The following CDH13 variants were observed in gnomAD, a reference collection of about 807,000 sequenced individuals.
CDH13 encodes the protein cadherin 13.
In CDH13, 24 loss-of-function variants were observed where a neutral mutation model predicts 63.8. The ratio of observed to expected loss-of-function variants is 0.38; its 90% confidence interval spans 0.27 to 0.53. The LOEUF is 0.53. Ranked by LOEUF, CDH13 falls within the 20% of genes least tolerant of loss-of-function variation. CDH13 has a pLI of 0.85. For missense variants in CDH13, 1,049 were observed against 903.1 expected, an observed-to-expected ratio of 1.16 and a Z score of -2.07; for synonymous variants, 503 against 355.3, an observed-to-expected ratio of 1.42 and a Z score of -4.67.
At chr16:82,778,851 G>T (rs1169849239) in intron 1 of CDH13, among the ~76,000 whole-genome samples, 3 of 152,142 alleles carry the variant, frequency 2.0e-5, no homozygotes, top group Non-Finnish European at 4.4e-5. Flanking sequence ...GATTTAAAAT[G>T]CTTAGATTAG....
At chr16:83,144,561 C>G (rs28675296) in intron 4 of CDH13, among the ~76,000 whole-genome samples, 2,257 of 152,286 alleles carry the variant, frequency 0.015, 64 homozygotes, top group African/African-American at 0.051. Flanking sequence ...AATAGATGCA[C>G]TGTATTTTTT....
intron 10 of CDH13, among the ~76,000 whole-genome samples, chr16:83,683,174 G>C (rs1915545949): frequency 6.6e-6 from 1 of 152,202 alleles, no homozygotes; most frequent in South Asian, 2.1e-4. Context: ...TCACTAAAAA[G>C]CCTGGGTTAT....
intron 7 of CDH13, among the ~76,000 whole-genome samples, chr16:83,497,552 C>T (rs985420543): frequency 3.3e-5 from 5 of 151,480 alleles, no homozygotes; most frequent in African/African-American, 1.2e-4. Flanking sequence ...GGGAGAAATA[C>T]ATAATGCTAG....
At chr16:83,448,249 C>A (rs937278747) in intron 6 of CDH13, among the ~76,000 whole-genome samples, 1 of 151,898 alleles carries the variant, frequency 6.6e-6, no homozygotes, top group Admixed American at 6.6e-5. Context: ...GTAAAGAAAT[C>A]AGTAAGGAGG....
intron 5 of CDH13, among the ~76,000 whole-genome samples, chr16:83,312,522 G>A (rs1207299623): frequency 3.9e-5 from 6 of 152,166 alleles, no homozygotes; most frequent in Non-Finnish European, 8.8e-5. Flanking sequence ...CCTGTTGCCA[G>A]GAGAGAGCTT....
At chr16:82,723,400 A>T (rs556528969) in intron 1 of CDH13, among the ~76,000 whole-genome samples, 1 of 152,256 alleles carries the variant, frequency 6.6e-6, no homozygotes, top group East Asian at 1.9e-4. Flanking sequence ...TGTCTTGGGA[A>T]CATAGCTAGG....
At chr16:83,494,494 A>G (rs1598150606) in intron 7 of CDH13, among the ~76,000 whole-genome samples, 1 of 152,320 alleles carries the variant, frequency 6.6e-6, no homozygotes, top group South Asian at 2.1e-4. Flanking sequence ...CTGATTTCAA[A>G]CCAGCAGAGA....
intron 6 of CDH13, among the ~76,000 whole-genome samples, chr16:83,404,605 A>T (rs2092014506): frequency 6.6e-6 from 1 of 152,214 alleles, no homozygotes; most frequent in South Asian, 2.1e-4. Flanking sequence ...ATGTGTGTGC[A>T]CACACCCCCT....
chr16:82,846,949 G>A (rs1427737254), intron 1 of CDH13, among the ~76,000 whole-genome samples: 1 of 152,140 alleles, frequency 6.6e-6, no homozygotes, highest in Non-Finnish European at 1.5e-5. Flanking sequence ...TTTATGCCAA[G>A]GAGAGGAGCA....
In CDH13 at chr16:83,741,106, C is replaced by A. The variant is rs1462955768; in HGVS notation, c.1539-7002C>A. On this transcript the variant is annotated intron_variant, in intron 10 of 13. Coordinates refer to ENST00000567109, the MANE Select transcript of CDH13 (RefSeq NM_001257.5). ...TACCCTGGACTGTGATGGGCTGTGA[C>A]TGTCTAACTAATCTAGGATTCTGGA... Among the ~76,000 whole-genome samples, 6 of 152,312 alleles carry A rather than the reference C, an allele frequency of 3.9e-5. No homozygotes were observed. The East Asian group carries it at 1.2e-3, about 29-fold the overall frequency.
rs1286921538 is a variant in CDH13 at position 83,014,868 on chromosome 16, G to A, written c.158-17142G>A. On this transcript the variant is annotated intron_variant, in intron 2 of 13. Coordinates refer to ENST00000567109, the MANE Select transcript of CDH13 (RefSeq NM_001257.5). Reference sequence around the variant, plus strand: ...TATATATATATTTGTATATATATATGTATATATATATGTTTGTGTATATAT... The same window carrying A: ...TATATATATATTTGTATATATATATATATATATATATGTTTGTGTATATAT... Among the ~76,000 whole-genome samples the A allele has an allele frequency of 2.2e-3, 175 of 79,168 alleles. 2 individuals are homozygous for A. The Middle Eastern group carries it at 0.032, about 15-fold the overall frequency. 51.9% of individuals were successfully genotyped at this position (79,168 alleles called of 152,430 possible). A position where few individuals can be genotyped will look rare whatever the true frequency, so the allele number is the denominator to read the frequency against.
rs533734389 is a variant in CDH13 at position 82,812,061 on chromosome 16, A to G, written c.46-46301A>G. Among the ~76,000 whole-genome samples, 27 of 152,298 alleles carry G rather than the reference A, an allele frequency of 1.8e-4. No homozygotes were observed. In the South Asian group the frequency reaches 2.7e-3, roughly 15 times the overall value. On this transcript the variant is annotated intron_variant, in intron 1 of 13. Coordinates refer to ENST00000567109, the MANE Select transcript of CDH13 (RefSeq NM_001257.5). The stretch of plus-strand genomic sequence containing the variant: ...GGATGTTATTCTTTGATGGATGAGC[A>G]GACTACAAAAAGCTGTGCCACCCTT...
At chr16:82,994,724 T>C (rs896005352) in intron 2 of CDH13, among the ~76,000 whole-genome samples, 3 of 152,220 alleles carry the variant, frequency 2.0e-5, no homozygotes, top group African/African-American at 7.2e-5. Flanking sequence ...TTGATAGTAT[T>C]CAAGCCCCAA....
intron 7 of CDH13, among the ~76,000 whole-genome samples, chr16:83,538,861 A>G (rs1233154801): frequency 3.3e-5 from 5 of 152,222 alleles, no homozygotes; most frequent in Admixed American, 1.3e-4. Context: ...GTATATTAAT[A>G]TAAAATTTTG....
intron 1 of CDH13, among the ~76,000 whole-genome samples, chr16:82,772,816 C>A (rs990594852): frequency 2.0e-5 from 3 of 152,208 alleles, no homozygotes; most frequent in African/African-American, 7.2e-5. Flanking sequence ...CCCATTCAAT[C>A]TGACTCCAAA....
intron 11 of CDH13, among the ~76,000 whole-genome samples, chr16:83,769,070 A>T (rs544703196): frequency 2.6e-5 from 4 of 152,100 alleles, no homozygotes; most frequent in Non-Finnish European, 4.4e-5. Context: ...CATTTCCCCA[A>T]GGAAGTTGAG....
At chr16:83,658,304 CAGGT>C in intron 8 of CDH13, among the ~76,000 whole-genome samples, 1 of 104,282 alleles carries the variant, frequency 9.6e-6, no homozygotes, top group African/African-American at 3.5e-5. Flanking sequence ...TCCTCACCAC[CAGGT>C]CCCGTATCCT....
intron 7 of CDH13, among the ~76,000 whole-genome samples, chr16:83,501,855 T>G (rs564962358): frequency 1.3e-5 from 2 of 152,360 alleles, no homozygotes; most frequent in South Asian, 4.1e-4. Context: ...TCTGTATTCA[T>G]TGCTCCTGGA....
intron 5 of CDH13, among the ~76,000 whole-genome samples, chr16:83,228,266 C>T (rs568211013): frequency 2.5e-4 from 38 of 152,344 alleles, no homozygotes; most frequent in African/African-American, 9.1e-4. Context: ...CATGCTGCTC[C>T]ACATCCTGCT....
Sources: allele counts gnomAD v4.1 joint callset (sites outside exome capture counted in the v4.1 genomes callset), GRCh38; gene constraint gnomAD v4.1.1; transcripts MANE v1.5; gene names NCBI Gene and HGNC (gene_info 2026-07-23, HGNC 2026-07-21).